ZBTB10: variants seen among roughly 807,000 people sequenced by gnomAD.
ZBTB10 encodes zinc finger and BTB domain-containing protein 10.
A neutral mutation model predicts 76.4 loss-of-function variants in ZBTB10; 32 were observed. The ratio of observed to expected loss-of-function variants is 0.42; its 90% confidence interval spans 0.32 to 0.56. The LOEUF (loss-of-function observed/expected upper bound fraction) is 0.56. Among genes scored for constraint, ZBTB10 ranks in the 20% least tolerant of loss-of-function variants. The pLI is 0.14. For synonymous variants in ZBTB10, 523 were observed against 432.9 expected, an observed-to-expected ratio of 1.21 and a Z score of -2.58; for missense variants, 1,057 against 1,098.5, an observed-to-expected ratio of 0.96 and a Z score of 0.53.
chr8:80,521,195 A>G lies in ZBTB10; in HGVS notation c.*1667A>G, dbSNP rs1423234804. 1 of 151,870 alleles carries G rather than the reference A, an allele frequency of 6.6e-6. No individual in the cohort carries two copies. The highest frequency in any genetic ancestry group is 2.4e-5 in the African/African-American group (1 of 41,426). 9.4% of individuals were successfully genotyped at this position (151,870 alleles called of 1,614,324 possible). On this transcript the variant is annotated 3_prime_UTR_variant, in exon 6 of 6. Transcript: ENST00000455036. ...GACAATGATGTTTCTGCTTGGATAA[A>G]TCAAAGATAAATTACAGTTACATGG...
upstream of ZBTB10, chr8:80,486,022 C>T: frequency 9.7e-7 from 1 of 1,036,106 alleles, no homozygotes; most frequent in African/African-American, 1.7e-5. Flanking sequence ...GTCCCCAACC[C>T]CTCGGCCGAC....
Position 80,486,953 on chromosome 8 carries a change from C to A in ZBTB10, c.143C>A (p.Pro48Gln). 3 of 1,511,938 alleles carry A rather than the reference C, an allele frequency of 2.0e-6. No homozygotes were observed. The highest frequency in any genetic ancestry group is 2.6e-6 in the Non-Finnish European group (3 of 1,135,146). The allele number at this position is 1,511,938 out of a possible 1,614,324, so 93.7% of individuals were successfully genotyped here. A position where few individuals can be genotyped will look rare whatever the true frequency, so the allele number is the denominator to read the frequency against. ...WPPQPQPRQP[P>Q]PPAPPALQPP... ...CCGCAGCCCCAGCCGAGACAGCCCC[C>A]GCCGCCAGCGCCGCCCGCGCTTCAG... is the stretch of plus-strand genomic sequence containing the variant. The change falls in exon 1 of 6, where the codon CCG becomes CAG. Residue 48 changes from proline (P) to glutamine (Q), a missense_variant. Coordinates refer to ENST00000455036, the MANE Select transcript of ZBTB10 (RefSeq NM_001105539.3).
At chr8:80,502,109 CA>C (rs1815939522) in intron 2 of ZBTB10, among the ~76,000 whole-genome samples, 1 of 152,318 alleles carries the variant, frequency 6.6e-6, no homozygotes, top group East Asian at 1.9e-4. Flanking sequence ...TAATGAACCA[CA>C]ATGCATACTT....
Position 80,509,099 on chromosome 8 carries a change from G to C in ZBTB10, c.1862-4811G>C, listed in dbSNP as rs554223002. Among the ~76,000 whole-genome samples, 19 of 152,236 alleles carry C rather than the reference G, an allele frequency of 1.2e-4. No individual in the cohort carries two copies. In the East Asian group the frequency reaches 1.4e-3, roughly 11 times the overall value. ...AGGGAAGCTATTTTGAGTTTAAAAG[G>C]CTGCTACAGGAACTGTAAAGGGTGG... On this transcript the variant is annotated intron_variant, in intron 2 of 5. Transcript: ENST00000455036.
In ZBTB10 at chr8:80,499,814, C is replaced by T. The variant is rs200216813; in HGVS notation, c.1293C>T (p.Leu431=). 626 of 1,613,976 alleles carry T rather than the reference C, an allele frequency of 3.9e-4. No homozygotes were observed. Among genetic ancestry groups the T allele is most frequent in the Admixed American group, 5.0e-4 (30 of 60,010 alleles). Residue 431 remains leucine, a synonymous_variant, in exon 2 of 6, where the codon CTC becomes CTT. Coordinates refer to ENST00000455036, the MANE Select transcript of ZBTB10 (RefSeq NM_001105539.3). ...TCTTGTATTCTGGTAACCTGGTGCT[C>T]ACAAGCCAAAATGCCATTGAAGTTA... ...LDFLYSGNLV[L]TSQNAIEVMT...
At chr8:80,488,576 G>A (rs1489905710) in intron 1 of ZBTB10, among the ~76,000 whole-genome samples, 1 of 152,154 alleles carries the variant, frequency 6.6e-6, no homozygotes, top group Non-Finnish European at 1.5e-5. Context: ...ATCAAGTAGT[G>A]GATTTGGATT....
At chr8:80,497,591 C>G (rs373339097) in intron 1 of ZBTB10, among the ~76,000 whole-genome samples, 2 of 151,058 alleles carry the variant, frequency 1.3e-5, no homozygotes, top group Admixed American at 6.6e-5. Flanking sequence ...ACTTTGTGTG[C>G]TTCATTCTGT....
In ZBTB10 at chr8:80,486,624, C is replaced by A; in HGVS notation, c.-187C>A. The A allele has an allele frequency of 1.0e-6, 1 of 986,164 alleles. No individual in the cohort carries two copies. The highest frequency in any genetic ancestry group is 1.2e-6 in the Non-Finnish European group (1 of 831,648). The allele number at this position is 986,164 out of a possible 1,614,324, so 61.1% of individuals were successfully genotyped here. ...GCCCGGCAGCGGCAGCGGCAGCGGACGCGTGCAGCAGACCCGGGAGCGAGC... is the reference window on the plus strand; with the variant it reads ...GCCCGGCAGCGGCAGCGGCAGCGGAAGCGTGCAGCAGACCCGGGAGCGAGC... On this transcript the variant is annotated 5_prime_UTR_variant, in exon 1 of 6. Coordinates refer to ENST00000455036, the MANE Select transcript of ZBTB10 (RefSeq NM_001105539.3).
chr8:80,507,205 G>A (rs1013099298), intron 2 of ZBTB10, among the ~76,000 whole-genome samples: 5 of 152,088 alleles, frequency 3.3e-5, no homozygotes, highest in Admixed American at 6.5e-5. Flanking sequence ...CTACTCGGGA[G>A]GCTGAGGCAG....
chr8:80,486,646 G>C lies in ZBTB10; in HGVS notation c.-165G>C, dbSNP rs1815464567. ...GGACGCGTGCAGCAGACCCGGGAGC[G>C]AGCGCGAGCCGGGCTGCCGGGCGAG... On this transcript the variant is annotated 5_prime_UTR_variant, in exon 1 of 6. Coordinates refer to ENST00000455036, the MANE Select transcript of ZBTB10 (RefSeq NM_001105539.3). 3.0e-6 allele frequency: 3 copies of C among 988,432 alleles called. No homozygotes were observed. Among genetic ancestry groups the C allele is most frequent in the Non-Finnish European group, 3.6e-6 (3 of 832,210 alleles). The allele number at this position is 988,432 out of a possible 1,614,324, so 61.2% of individuals were successfully genotyped here.
chr8:80,498,020 A>T (rs1002852361), intron 1 of ZBTB10, among the ~76,000 whole-genome samples: 1 of 152,152 alleles, frequency 6.6e-6, no homozygotes, highest in Non-Finnish European at 1.5e-5. Context: ...GAGCAGCACT[A>T]TAATTTTTAG....
chr8:80,497,472 TGG>T (rs145467940), intron 1 of ZBTB10, among the ~76,000 whole-genome samples: 1 of 116,686 alleles, frequency 8.6e-6, no homozygotes, highest in Non-Finnish European at 1.8e-5. Context: ...TATTATATGG[TGG>T]GGGGGGGCAT....
chr8:80,495,209 ATCCTGTCGCCT>A (rs1563458185), intron 1 of ZBTB10, among the ~76,000 whole-genome samples: 1 of 150,738 alleles, frequency 6.6e-6, no homozygotes, highest in Non-Finnish European at 1.5e-5. Flanking sequence ...GCTACCAGCC[ATCCTGTCGCCT>A]TCCAAAGTGC....
rs953063820 is a variant in ZBTB10 at position 80,486,328 on chromosome 8, T to G, written c.-483T>G. On this transcript the variant is annotated 5_prime_UTR_variant, in exon 1 of 6. Transcript: ENST00000455036. The stretch of plus-strand genomic sequence containing the variant: ...GGAGCCGAGCAGTTTAGCGTGCCTC[T>G]CACCCTCAGCGCCTGCGAAGCCGGC... The G allele has an allele frequency of 1.0e-6, 1 of 992,384 alleles. No homozygotes were observed. The highest frequency in any genetic ancestry group is 1.2e-6 in the Non-Finnish European group (1 of 834,982). 61.5% of individuals were successfully genotyped at this position (992,384 alleles called of 1,614,324 possible).
chr8:80,508,452 A>G (rs1816112611), intron 2 of ZBTB10, among the ~76,000 whole-genome samples: 1 of 152,254 alleles, frequency 6.6e-6, no homozygotes, highest in Non-Finnish European at 1.5e-5. Context: ...ACACTGAGCA[A>G]TAGGCCACAT....
intron 1 of ZBTB10, among the ~76,000 whole-genome samples, chr8:80,498,294 T>A (rs1265611125): frequency 6.6e-6 from 1 of 152,210 alleles, no homozygotes; most frequent in Non-Finnish European, 1.5e-5. Context: ...TTCTCCATGT[T>A]TTTCTCCATG....
intron 2 of ZBTB10, among the ~76,000 whole-genome samples, chr8:80,500,598 T>G (rs893234819): frequency 2.6e-5 from 4 of 152,234 alleles, no homozygotes; most frequent in Admixed American, 6.5e-5. Context: ...AAAAGATGTA[T>G]TAATAGCCAG....
Position 80,520,798 on chromosome 8 carries a change from G to A in ZBTB10, c.*1270G>A, listed in dbSNP as rs188964929. Reference sequence around the variant, plus strand: ...CTTTATTATTCTATAAATTCTTCAGGGTACAAAGGGTGACATATTGAGGTG... The same window carrying A: ...CTTTATTATTCTATAAATTCTTCAGAGTACAAAGGGTGACATATTGAGGTG... On this transcript the variant is annotated 3_prime_UTR_variant, in exon 6 of 6. Transcript: ENST00000455036. The A allele has an allele frequency of 1.4e-5, 2 of 147,266 alleles. No homozygotes were observed. Among genetic ancestry groups the A allele is most frequent in the Admixed American group, 1.3e-4 (2 of 14,862 alleles). 9.1% of individuals were successfully genotyped at this position (147,266 alleles called of 1,614,324 possible).
At chr8:80,494,502 C>T (rs1395255080) in intron 1 of ZBTB10, among the ~76,000 whole-genome samples, 2 of 152,206 alleles carry the variant, frequency 1.3e-5, no homozygotes, top group Non-Finnish European at 2.9e-5. Flanking sequence ...CCCTTTACAT[C>T]TGTTTTATCA....
Sources: allele counts gnomAD v4.1 joint callset (sites outside exome capture counted in the v4.1 genomes callset), GRCh38; gene constraint gnomAD v4.1.1; transcripts MANE v1.5; gene names NCBI Gene and HGNC (gene_info 2026-07-23, HGNC 2026-07-21).